Variants in ITPR2 observed in about 807,000 individuals in gnomAD.
ITPR2 encodes the protein inositol 1,4,5-trisphosphate receptor type 2.
In ITPR2, 207 loss-of-function variants were observed where a neutral mutation model predicts 317.1. That is an observed-to-expected ratio of 0.65 (90% confidence interval 0.58 to 0.73). The LOEUF (loss-of-function observed/expected upper bound fraction) is 0.73. Among genes scored for constraint, ITPR2 ranks in the 30% least tolerant of loss-of-function variants. The pLI is 0.00. For synonymous variants in ITPR2, 1,156 were observed against 1,149.1 expected (o/e 1.01, Z -0.12); for missense variants, 2,613 against 3,284.0 (o/e 0.80, Z 4.99).
intron 55 of ITPR2, among the ~76,000 whole-genome samples, chr12:26,372,749 T>G (rs11048487): frequency 6.6e-6 from 1 of 152,202 alleles, no homozygotes; most frequent in Non-Finnish European, 1.5e-5. Flanking sequence ...GTTGGCAGTA[T>G]GTCTTTGTTT....
rs745873485 is a variant in ITPR2 at position 26,550,236 on chromosome 12, T to TA, written c.5073+10dup. On this transcript the variant is annotated intron_variant, in intron 37 of 56. Transcript: ENST00000381340. Reference sequence around the variant, plus strand: ...TTTATTTTTAAATAATAAAGTTTTTTAAAAAAATACCTCTTCCACAAAGCT... The same window carrying TA: ...TTTATTTTTAAATAATAAAGTTTTTTAAAAAAAATACCTCTTCCACAAAGCT... The TA allele has an allele frequency of 3.5e-5, 42 of 1,213,230 alleles. No homozygotes were observed. Among genetic ancestry groups the TA allele is most frequent in the South Asian group, 6.7e-5 (5 of 74,242 alleles). 75.2% of individuals were successfully genotyped at this position (1,213,230 alleles called of 1,614,324 possible). A position where few individuals can be genotyped will look rare whatever the true frequency, so the allele number is the denominator to read the frequency against.
At chr12:26,347,912 T>G (rs2136553230) in intron 55 of ITPR2, among the ~76,000 whole-genome samples, 1 of 152,346 alleles carries the variant, frequency 6.6e-6, no homozygotes. Context: ...TGAAATATAC[T>G]ATGTCTTGTA....
chr12:26,653,028 G>T (rs1947290295), intron 21 of ITPR2, among the ~76,000 whole-genome samples: 1 of 152,124 alleles, frequency 6.6e-6, no homozygotes, highest in Non-Finnish European at 1.5e-5. Context: ...CTGTGAGAAG[G>T]ATATTGTTAT....
At chr12:26,576,548 G>C (rs1591920293) in intron 34 of ITPR2, among the ~76,000 whole-genome samples, 1 of 152,194 alleles carries the variant, frequency 6.6e-6, no homozygotes, top group South Asian at 2.1e-4. Context: ...ATGTGCAAAA[G>C]AGCCATGGCG....
At chr12:26,561,269 G>A (rs926658489) in intron 35 of ITPR2, among the ~76,000 whole-genome samples, 10 of 152,226 alleles carry the variant, frequency 6.6e-5, no homozygotes, top group East Asian at 3.9e-4. Context: ...CCAAAACTAT[G>A]AGAAAATAAA....
intron 46 of ITPR2, among the ~76,000 whole-genome samples, chr12:26,441,157 A>G (rs562717167): frequency 6.6e-6 from 1 of 152,260 alleles, no homozygotes; most frequent in African/African-American, 2.4e-5. Context: ...CATTTTAAAA[A>G]AAGTTTCTAA....
chr12:26,529,670 A>G lies in ITPR2; in HGVS notation c.5073+20577T>C, dbSNP rs576872986. Among the ~76,000 whole-genome samples the G allele has an allele frequency of 1.8e-3, 281 of 152,328 alleles. 3 individuals carry two copies. Among genetic ancestry groups the G allele is most frequent in the South Asian group, 8.1e-3 (39 of 4,822 alleles). ...CTGTGGAACCTGGAACAAGTAAAAT[A>G]ACCAAACGTCTCTAAACTTCAGTTT... On this transcript the variant is annotated intron_variant, in intron 37 of 56. Coordinates refer to ENST00000381340, the MANE Select transcript of ITPR2 (RefSeq NM_002223.4).
chr12:26,622,402 T>C lies in ITPR2; in HGVS notation c.3126A>G (p.Lys1042=), dbSNP rs2136807784. ...CGTCAAGTTGAACTGGATTTTTTTC[T>C]TTTCTATAAAACCAAAAACATTTCT... ...AQAETMFAGR[K]EKNPVQLDDE... The change falls in exon 25 of 57, where the codon AAA becomes AAG. Residue 1042 remains lysine, a synonymous_variant. Transcript: ENST00000381340. 6.3e-7 allele frequency: 1 copy of C among 1,599,428 alleles called. No individual in the cohort carries two copies. Among genetic ancestry groups the C allele is most frequent in the Non-Finnish European group, 8.5e-7 (1 of 1,174,520 alleles).
chr12:26,763,986 A>T (rs759871940), intron 2 of ITPR2, among the ~76,000 whole-genome samples: 23 of 152,140 alleles, frequency 1.5e-4, no homozygotes, highest in Non-Finnish European at 2.6e-4. Flanking sequence ...AGACACTGTC[A>T]TGTTTGTGAA....
chr12:26,740,177 A>G (rs1303483463), intron 2 of ITPR2, among the ~76,000 whole-genome samples: 2 of 152,220 alleles, frequency 1.3e-5, no homozygotes, highest in Admixed American at 6.5e-5. Flanking sequence ...TTTAATTTCA[A>G]TTTGAAGAAA....
chr12:26,717,687 T>G (rs1479598406), intron 5 of ITPR2, among the ~76,000 whole-genome samples: 1 of 152,116 alleles, frequency 6.6e-6, no homozygotes, highest in Non-Finnish European at 1.5e-5. Context: ...AATAGGAGGA[T>G]CTGCATAAAT....
At position 26,337,423 on chromosome 12, in the gene ITPR2, ACT is replaced by A. The variant is rs1256867061; in HGVS notation, c.*1972_*1973del. 1 of 152,084 alleles carries A rather than the reference ACT, an allele frequency of 6.6e-6. No homozygotes were observed. The highest frequency in any genetic ancestry group is 2.4e-5 in the African/African-American group (1 of 41,416). The allele number at this position is 152,084 out of a possible 1,614,324, so 9.4% of individuals were successfully genotyped here. On this transcript the variant is annotated 3_prime_UTR_variant, in exon 57 of 57. Transcript: ENST00000381340. ...TTCTCTTCTATTCTCTATCCATAAAACTCTGCCTGATTAAAATATTTTAAAGT... is the reference window on the plus strand; with the variant it reads ...TTCTCTTCTATTCTCTATCCATAAAACTGCCTGATTAAAATATTTTAAAGT...
chr12:26,363,727 C>T (rs1399593404), intron 55 of ITPR2, among the ~76,000 whole-genome samples: 1 of 151,858 alleles, frequency 6.6e-6, no homozygotes, highest in East Asian at 1.9e-4. Context: ...ATGTAACAAA[C>T]CTGCACATGT....
intron 39 of ITPR2, among the ~76,000 whole-genome samples, chr12:26,493,203 C>T (rs895772871): frequency 3.3e-5 from 5 of 152,048 alleles, no homozygotes; most frequent in Non-Finnish European, 5.9e-5. Context: ...TGTCACCATG[C>T]CACTTGCTGC....
Position 26,622,344 on chromosome 12 carries a change from T to G in ITPR2, c.3184A>C (p.Ile1062Leu), listed in dbSNP as rs754678259. 4 of 1,613,814 alleles carry G rather than the reference T, an allele frequency of 2.5e-6. No individual in the cohort carries two copies. The highest frequency in any genetic ancestry group is 3.4e-6 in the Non-Finnish European group (4 of 1,179,888). Reference sequence around the variant, plus strand: ...GGGTAGTCGTGCATGATCAGATGAATGAGGACCCGTAAAAACGTCCTGCCT... The same window carrying G: ...GGGTAGTCGTGCATGATCAGATGAAGGAGGACCCGTAAAAACGTCCTGCCT... ...EGGRTFLRVL[I>L]HLIMHDYPPL... is the part of the protein sequence containing the mutation. Residue 1062 changes from isoleucine (I) to leucine (L), a missense_variant, in exon 25 of 57, where the codon ATT becomes CTT. Transcript: ENST00000381340.
At chr12:26,717,562 A>C (rs993516568) in intron 5 of ITPR2, among the ~76,000 whole-genome samples, 16 of 152,236 alleles carry the variant, frequency 1.1e-4, no homozygotes, top group Admixed American at 1.3e-4. Flanking sequence ...TCATCATAGA[A>C]GCTCTCTATA....
chr12:26,715,844 G>GTT lies in ITPR2; in HGVS notation c.625-10_625-9insAA. The GTT allele has an allele frequency of 3.2e-6, 5 of 1,573,528 alleles. No homozygotes were observed. The highest frequency in any genetic ancestry group is 4.4e-6 in the Non-Finnish European group (5 of 1,144,490). On this transcript the variant is annotated splice_polypyrimidine_tract_variant and intron_variant, in intron 6 of 56. Coordinates refer to ENST00000381340, the MANE Select transcript of ITPR2 (RefSeq NM_002223.4). ...CAATTGACAGCATTCACCTATTAATGAAGAAACGTTCAAAGTTATAAGACT... is the reference window on the plus strand; with the variant it reads ...CAATTGACAGCATTCACCTATTAATGTTAAGAAACGTTCAAAGTTATAAGACT...
chr12:26,795,493 A>G (rs1950418409), intron 1 of ITPR2, among the ~76,000 whole-genome samples: 1 of 152,208 alleles, frequency 6.6e-6, no homozygotes, highest in Admixed American at 6.5e-5. Flanking sequence ...TAAAAGACCG[A>G]TAAGTTTGTC....
intron 54 of ITPR2, among the ~76,000 whole-genome samples, chr12:26,397,508 C>T (rs1940035995): frequency 6.6e-6 from 1 of 152,102 alleles, no homozygotes; most frequent in Non-Finnish European, 1.5e-5. Context: ...TCTACCATTT[C>T]CTTCAATGCA....
Sources: allele counts gnomAD v4.1 joint callset (sites outside exome capture counted in the v4.1 genomes callset), GRCh38; gene constraint gnomAD v4.1.1; transcripts MANE v1.5; gene names NCBI Gene and HGNC (gene_info 2026-07-23, HGNC 2026-07-21).